Variants in EDIL3 observed in about 807,000 individuals in gnomAD.
EDIL3 encodes EGF-like repeat and discoidin I-like domain-containing protein 3.
Under a neutral mutation model 67.4 loss-of-function variants are expected in EDIL3, and 37 were observed. The ratio of observed to expected loss-of-function variants is 0.55; its 90% CI spans 0.42 to 0.72. The LOEUF (loss-of-function observed/expected upper bound fraction) is 0.72. Ranked by LOEUF, EDIL3 falls within the 30% of genes least tolerant of loss-of-function variation. The pLI, the probability that EDIL3 is intolerant of heterozygous loss-of-function variation, is 0.00. For synonymous variants in EDIL3, 195 were observed against 196.3 expected (o/e 0.99, Z 0.05); for missense variants, 527 against 586.3 (o/e 0.90, Z 1.04).
At chr5:84,010,842 A>T (rs1353918316) in intron 9 of EDIL3, among the ~76,000 whole-genome samples, 1 of 152,164 alleles carries the variant, frequency 6.6e-6, no homozygotes, top group African/African-American at 2.4e-5. Context: ...AGAATTTCAG[A>T]TAGGCATGAA....
intron 3 of EDIL3, among the ~76,000 whole-genome samples, chr5:84,191,145 G>A (rs986761170): frequency 3.9e-5 from 6 of 152,002 alleles, no homozygotes; most frequent in Non-Finnish European, 7.4e-5. Context: ...GTAGCAATCT[G>A]TAAAATATCA....
intron 6 of EDIL3, among the ~76,000 whole-genome samples, chr5:84,087,807 G>T (rs1011473485): frequency 1.3e-5 from 2 of 152,146 alleles, no homozygotes; most frequent in Non-Finnish European, 1.5e-5. Context: ...GAGGGATAGG[G>T]TTAGGGAAAG....
chr5:83,967,216 G>A (rs1272745227), intron 9 of EDIL3, among the ~76,000 whole-genome samples: 1 of 152,090 alleles, frequency 6.6e-6, no homozygotes, highest in Non-Finnish European at 1.5e-5. Context: ...AGCTACTTGG[G>A]AGGTTGAGGT....
chr5:84,379,236 T>A (rs1481104189), intron 1 of EDIL3, among the ~76,000 whole-genome samples: 2 of 152,148 alleles, frequency 1.3e-5, no homozygotes, highest in Non-Finnish European at 2.9e-5. Flanking sequence ...AAGTTATCAG[T>A]TAAAGGTCAA....
chr5:84,375,654 A>G (rs1747953091), intron 1 of EDIL3, among the ~76,000 whole-genome samples: 1 of 152,218 alleles, frequency 6.6e-6, no homozygotes, highest in African/African-American at 2.4e-5. Flanking sequence ...ATTGAATAGC[A>G]ATGAAACAAT....
intron 9 of EDIL3, among the ~76,000 whole-genome samples, chr5:84,008,657 C>G (rs376334012): frequency 2.6e-4 from 39 of 152,104 alleles, no homozygotes; most frequent in Admixed American, 6.5e-4. Flanking sequence ...ATCTTTATTG[C>G]TGATGTGACC....
chr5:84,025,306 G>A (rs539192301), intron 9 of EDIL3, among the ~76,000 whole-genome samples: 2 of 152,022 alleles, frequency 1.3e-5, no homozygotes, highest in South Asian at 2.1e-4. Flanking sequence ...GCAAGGGAGC[G>A]AAGCTTCATC....
chr5:84,077,180 A>G (rs1443602162), intron 6 of EDIL3, among the ~76,000 whole-genome samples: 1 of 152,238 alleles, frequency 6.6e-6, no homozygotes, highest in African/African-American at 2.4e-5. Context: ...CCAAGGCACT[A>G]GCAGTTTTAC....
At chr5:84,259,117 G>T (rs1037282046) in intron 1 of EDIL3, among the ~76,000 whole-genome samples, 5 of 151,710 alleles carry the variant, frequency 3.3e-5, no homozygotes, top group African/African-American at 1.2e-4. Flanking sequence ...CCGCCACCAT[G>T]CCCAGCTAAT....
At chr5:84,285,278 C>G (rs927609071) in intron 1 of EDIL3, among the ~76,000 whole-genome samples, 2 of 152,162 alleles carry the variant, frequency 1.3e-5, no homozygotes, top group African/African-American at 2.4e-5. Context: ...TTTAAATTTT[C>G]TAATTCCAAC....
chr5:84,263,301 T>C (rs1745273522), intron 1 of EDIL3, among the ~76,000 whole-genome samples: 1 of 152,084 alleles, frequency 6.6e-6, no homozygotes, highest in South Asian at 2.1e-4. Flanking sequence ...AGGGCTCAGT[T>C]TAGCTAAGGG....
intron 5 of EDIL3, among the ~76,000 whole-genome samples, chr5:84,133,662 A>G (rs908583091): frequency 1.1e-4 from 16 of 151,824 alleles, no homozygotes; most frequent in African/African-American, 3.6e-4. Flanking sequence ...TGAACAAGGG[A>G]ATTAAATTAG....
At chr5:84,190,135 T>A (rs1743547504) in intron 3 of EDIL3, among the ~76,000 whole-genome samples, 1 of 151,956 alleles carries the variant, frequency 6.6e-6, no homozygotes, top group African/African-American at 2.4e-5. Context: ...AATCAACATA[T>A]TTTTATTTTT....
At chr5:84,335,373 T>C (rs1461665620) in intron 1 of EDIL3, among the ~76,000 whole-genome samples, 9 of 152,184 alleles carry the variant, frequency 5.9e-5, no homozygotes, top group Non-Finnish European at 1.3e-4. Flanking sequence ...AGAATCTCCT[T>C]TCTTCTGTTC....
chr5:84,064,872 AC>A (rs1273237169), intron 7 of EDIL3, 28 bp from the exon 8 acceptor site: 1 of 1,588,910 alleles, frequency 6.3e-7, no homozygotes. Context: ...AAAATTATTC[AC>A]TGCAACAGCT....
chr5:84,136,886 A>C (rs180919246), intron 5 of EDIL3, among the ~76,000 whole-genome samples: 1 of 152,196 alleles, frequency 6.6e-6, no homozygotes, highest in African/African-American at 2.4e-5. Flanking sequence ...TGGTGGTAGA[A>C]ATTTCAGTCA....
intron 1 of EDIL3, among the ~76,000 whole-genome samples, chr5:84,262,766 G>A (rs1745260398): frequency 7.2e-6 from 1 of 139,228 alleles, no homozygotes; most frequent in African/African-American, 2.6e-5. Context: ...CCGCCTCCCA[G>A]GTCAGGCAAT....
intron 1 of EDIL3, among the ~76,000 whole-genome samples, chr5:84,284,463 G>A (rs1336545037): frequency 6.6e-6 from 1 of 152,038 alleles, no homozygotes; most frequent in Admixed American, 6.6e-5. Context: ...TAAGGACAAA[G>A]GCCCATTCTT....
At chr5:83,946,307 T>C (rs1004557251) in intron 10 of EDIL3, among the ~76,000 whole-genome samples, 5 of 151,916 alleles carry the variant, frequency 3.3e-5, no homozygotes, top group Non-Finnish European at 7.4e-5. Context: ...GCTAATTGGC[T>C]GATCACAAAT....
Sources: gnomAD v4.1 joint callset for allele counts (sites outside exome capture counted in the v4.1 genomes callset) on GRCh38, gnomAD v4.1.1 for gene constraint, MANE v1.5 for transcripts, NCBI Gene and HGNC (gene_info 2026-07-23, HGNC 2026-07-21) for gene names.